The following FTO variants were observed in gnomAD, a reference collection of about 807,000 sequenced individuals.
The protein encoded by FTO is FTO alpha-ketoglutarate dependent dioxygenase, also known as alpha-ketoglutarate-dependent dioxygenase FTO.
Under a neutral mutation model 63.9 loss-of-function variants are expected in FTO, and 47 were observed. The ratio of observed to expected loss-of-function variants is 0.74; its 90% CI spans 0.58 to 0.94. FTO has a LOEUF of 0.94. Ranked by LOEUF, FTO falls within the 40% of genes least tolerant of loss-of-function variation. The pLI, the probability that FTO is intolerant of heterozygous loss-of-function variation, is 0.00. For synonymous variants in FTO, 207 were observed against 224.4 expected (o/e 0.92, Z 0.69); for missense variants, 562 against 618.1 (o/e 0.91, Z 0.96).
chr16:54,021,496 TTG>T (rs1257651890), intron 8 of FTO, among the ~76,000 whole-genome samples: 1 of 151,970 alleles, frequency 6.6e-6, no homozygotes, highest in African/African-American at 2.4e-5. Flanking sequence ...GTTTGTTTGT[TTG>T]TTTGTTTTTG....
chr16:53,747,745 G>A (rs980245241), intron 1 of FTO, among the ~76,000 whole-genome samples: 2 of 152,028 alleles, frequency 1.3e-5, no homozygotes, highest in African/African-American at 2.4e-5. Flanking sequence ...TTGCTCAGAC[G>A]AATGTCCTGT....
At chr16:53,782,868 A>C (rs1399740135) in intron 1 of FTO, among the ~76,000 whole-genome samples, 3 of 152,152 alleles carry the variant, frequency 2.0e-5, no homozygotes, top group African/African-American at 7.2e-5. Context: ...ATTCTCCCAA[A>C]ATGTAAACCC....
chr16:53,791,729 G>T (rs1389242961), intron 1 of FTO, among the ~76,000 whole-genome samples: 1 of 152,198 alleles, frequency 6.6e-6, no homozygotes, highest in Non-Finnish European at 1.5e-5. Flanking sequence ...AATACATGCT[G>T]ATGAAGTTAC....
chr16:53,997,074 T>C lies in FTO; in HGVS notation c.1364+62965T>C, dbSNP rs1034801126. ...GTTGCAGTGAGCCGAGATTGTGCCA[T>C]TGCACTCCAGGCAATGGAGTGGAGC... On this transcript the variant is annotated intron_variant, in intron 8 of 8. Transcript: ENST00000471389. Among the ~76,000 whole-genome samples the C allele has an allele frequency of 2.0e-5, 3 of 148,280 alleles. No homozygotes were observed. The Admixed American group carries it at 2.0e-4, about 10-fold the overall frequency.
intron 8 of FTO, among the ~76,000 whole-genome samples, chr16:54,020,443 CT>C (rs1381735207): frequency 6.6e-6 from 1 of 152,166 alleles, no homozygotes; most frequent in African/African-American, 2.4e-5. Flanking sequence ...TGTGCACTTT[CT>C]GTTTTACAGT....
Position 53,934,069 on chromosome 16 carries a change from C to T in FTO, c.1324C>T (p.Leu442Phe), listed in dbSNP as rs1567451624. The T allele has an allele frequency of 4.3e-6, 7 of 1,614,128 alleles. No individual in the cohort carries two copies. The highest frequency in any genetic ancestry group is 5.1e-6 in the Non-Finnish European group (6 of 1,179,974). The change falls in exon 8 of 9, where the codon CTC becomes TTC. Residue 442 changes from leucine to phenylalanine, a missense_variant. Transcript: ENST00000471389. ...AATCTTGACTGCCATCCTTGCCTCG[C>T]TCACTGCACGCCAGAACCTGAGGAG... Reference protein sequence around the residue: ...NEILTAILASLTARQNLRREW... With the variant: ...NEILTAILASFTARQNLRREW...
At chr16:53,974,922 G>A (rs1349522317) in intron 8 of FTO, among the ~76,000 whole-genome samples, 14 of 152,112 alleles carry the variant, frequency 9.2e-5, no homozygotes, top group African/African-American at 2.9e-4. Flanking sequence ...CCATTACAAC[G>A]TATGCAGAGA....
intron 7 of FTO, among the ~76,000 whole-genome samples, chr16:53,891,198 G>A (rs561284213): frequency 6.6e-6 from 1 of 151,874 alleles, no homozygotes; most frequent in African/African-American, 2.4e-5. Flanking sequence ...CACCATGTTG[G>A]CCAGGCTGGT....
At chr16:53,915,075 AGCTTTT>A (rs1218336847) in intron 7 of FTO, among the ~76,000 whole-genome samples, 1 of 152,194 alleles carries the variant, frequency 6.6e-6, no homozygotes, top group Non-Finnish European at 1.5e-5. Context: ...ACAGTTGTTT[AGCTTTT>A]GCCTTGTGCA....
chr16:53,908,255 T>A (rs890540597), intron 7 of FTO, among the ~76,000 whole-genome samples: 1 of 152,204 alleles, frequency 6.6e-6, no homozygotes, highest in Admixed American at 6.5e-5. Context: ...CAGGGGCAAG[T>A]CTAAAATGTC....
rs61743972 is a variant in FTO at position 53,826,285 on chromosome 16, G to C, written c.545G>C (p.Gly182Ala). Residue 182 changes from glycine to alanine, a missense_variant, in exon 3 of 9, where the codon GGT (glycine) becomes GCT (alanine). Coordinates refer to ENST00000471389, the MANE Select transcript of FTO (RefSeq NM_001080432.3). ...MSADFPRVGM[G>A]SSYNGQDEVD... Reference sequence around the variant, plus strand: ...GCAGATTTCCCCAGGGTTGGGATGGGTTCATCCTACAACGGACAAGATGAA... The same window carrying C: ...GCAGATTTCCCCAGGGTTGGGATGGCTTCATCCTACAACGGACAAGATGAA... The C allele has an allele frequency of 7.7e-4, 1,249 of 1,614,120 alleles. 13 individuals are homozygous for C. The African/African-American group carries it at 0.014, about 18-fold the overall frequency.
intron 7 of FTO, among the ~76,000 whole-genome samples, chr16:53,894,329 A>T (rs1210879344): frequency 1.3e-5 from 2 of 152,226 alleles, no homozygotes; most frequent in Admixed American, 6.5e-5. Flanking sequence ...TGTAGTTTAC[A>T]TAGTCATAGG....
intron 8 of FTO, among the ~76,000 whole-genome samples, chr16:53,980,453 G>T (rs1281199475): frequency 6.6e-6 from 1 of 152,180 alleles, no homozygotes; most frequent in Non-Finnish European, 1.5e-5. Context: ...GGAGGGAAAA[G>T]GGCTGAAATC....
chr16:54,004,370 G>A (rs1346721600), intron 8 of FTO, among the ~76,000 whole-genome samples: 1 of 149,570 alleles, frequency 6.7e-6, no homozygotes, highest in African/African-American at 2.5e-5. Flanking sequence ...TGCAGCCTGG[G>A]CAACAGAGCA....
At chr16:53,751,156 C>A (rs902510151) in intron 1 of FTO, among the ~76,000 whole-genome samples, 1 of 147,648 alleles carries the variant, frequency 6.8e-6, no homozygotes, top group Admixed American at 6.7e-5. Context: ...CACCTGTAAT[C>A]CCAGCACTTT....
chr16:53,900,125 G>A (rs973045411), intron 7 of FTO, among the ~76,000 whole-genome samples: 11 of 152,146 alleles, frequency 7.2e-5, no homozygotes, highest in African/African-American at 2.7e-4. Context: ...GACAGAATTC[G>A]AATGCATATG....
intron 7 of FTO, among the ~76,000 whole-genome samples, chr16:53,898,069 A>G (rs758353484): frequency 6.6e-6 from 1 of 152,132 alleles, no homozygotes; most frequent in Non-Finnish European, 1.5e-5. Flanking sequence ...CCCAGTCAGA[A>G]TGTTCCTTTG....
chr16:53,902,913 A>C (rs953843380), intron 7 of FTO, among the ~76,000 whole-genome samples: 2 of 152,198 alleles, frequency 1.3e-5, no homozygotes, highest in Non-Finnish European at 2.9e-5. Context: ...TAAGAGTTCA[A>C]GACCAGCAAC....
chr16:54,058,013 T>C (rs2085478322), intron 8 of FTO, among the ~76,000 whole-genome samples: 1 of 152,176 alleles, frequency 6.6e-6, no homozygotes, highest in South Asian at 2.1e-4. Context: ...GGCCTCTTCC[T>C]GTGGGTGACA....
Sources: gnomAD v4.1 joint callset for allele counts (sites outside exome capture counted in the v4.1 genomes callset) on GRCh38, gnomAD v4.1.1 for gene constraint, MANE v1.5 for transcripts, NCBI Gene and HGNC (gene_info 2026-07-23, HGNC 2026-07-21) for gene names.